Variants in SV2C observed in about 807,000 individuals in gnomAD.
The protein encoded by SV2C is synaptic vesicle glycoprotein 2C.
A neutral mutation model predicts 79.7 loss-of-function variants in SV2C; 49 were observed. The observed-to-expected ratio is 0.61, with a 90% CI of 0.49 to 0.78. The LOEUF is 0.78. Ranked by LOEUF, SV2C falls within the 30% of genes least tolerant of loss-of-function variation. The pLI is 0.00. For missense variants in SV2C, 833 were observed against 912.9 expected (o/e 0.91, Z 1.13); for synonymous variants, 334 against 333.2 (o/e 1.00, Z -0.03).
At chr5:75,869,649 C>T in the SV2C span, among the ~76,000 whole-genome samples, 1 of 152,098 alleles carries the variant, frequency 6.6e-6, no homozygotes, top group Non-Finnish European at 1.5e-5. Context: ...CTTCTCAGGG[C>T]CTTGAGTAAA....
chr5:76,270,778 T>A lies in SV2C; in HGVS notation c.914-14384T>A, dbSNP rs146763443. Among the ~76,000 whole-genome samples the A allele has an allele frequency of 3.9e-3, 594 of 151,736 alleles. 8 individuals are homozygous for A. The highest frequency in any genetic ancestry group is 0.013 in the African/African-American group (545 of 41,464). ...TATTTATTTATTTATTTTTATTATT[T>A]TTTTTTTTGAGACAGGGTCTCACTC... On this transcript the variant is annotated intron_variant, in intron 4 of 12. Coordinates refer to ENST00000502798, the MANE Select transcript of SV2C (RefSeq NM_014979.4).
chr5:76,073,501 GTGTATATATATATATATATATATATATA>G, the SV2C span, among the ~76,000 whole-genome samples: 1 of 87,252 alleles, frequency 1.1e-5, no homozygotes, highest in African/African-American at 4.1e-5. Context: ...ATGTATGTGT[GTGTATATATATATATATATATATATATA>G]TATATATATA....
At chr5:76,231,497 T>A (rs1016700683) in intron 4 of SV2C, among the ~76,000 whole-genome samples, 1 of 151,702 alleles carries the variant, frequency 6.6e-6, no homozygotes, top group African/African-American at 2.4e-5. Context: ...GCAGGTTAGT[T>A]ACATACGTAT....
chr5:75,978,110 G>A, the SV2C span, among the ~76,000 whole-genome samples: 16 of 152,210 alleles, frequency 1.1e-4, no homozygotes, highest in South Asian at 3.3e-3. Flanking sequence ...AATTGCTCTT[G>A]CCAAGGTCAC....
At chr5:76,223,474 T>C (rs1467684247) in intron 4 of SV2C, among the ~76,000 whole-genome samples, 5 of 69,424 alleles carry the variant, frequency 7.2e-5, no homozygotes, top group African/African-American at 2.7e-4. Flanking sequence ...TATATATATA[T>C]ATATATATAT....
intron 4 of SV2C, among the ~76,000 whole-genome samples, chr5:76,230,151 C>T (rs73766722): frequency 6.6e-6 from 1 of 152,050 alleles, no homozygotes; most frequent in Non-Finnish European, 1.5e-5. Flanking sequence ...TAAAGGAAGA[C>T]AAATGTGAGG....
At chr5:76,190,552 C>T (rs1040896815) in intron 2 of SV2C, among the ~76,000 whole-genome samples, 6 of 152,230 alleles carry the variant, frequency 3.9e-5, no homozygotes, top group East Asian at 3.9e-4. Flanking sequence ...GTCGGGGATT[C>T]GCTGACTTGG....
the SV2C span, among the ~76,000 whole-genome samples, chr5:76,033,429 G>A: frequency 7.9e-3 from 1,198 of 152,254 alleles, 23 homozygotes; most frequent in African/African-American, 0.028. Flanking sequence ...TTTGTATAAG[G>A]TGTAAGGAAG....
chr5:76,325,137 A>C (rs1748948027), intron 12 of SV2C, among the ~76,000 whole-genome samples: 1 of 152,220 alleles, frequency 6.6e-6, no homozygotes, highest in South Asian at 2.1e-4. Context: ...TTACAGGCAG[A>C]GTAAGAGTCA....
At chr5:75,851,305 A>G in the SV2C span, among the ~76,000 whole-genome samples, 6 of 152,234 alleles carry the variant, frequency 3.9e-5, no homozygotes, top group African/African-American at 1.2e-4. Context: ...CAGTTCTGCT[A>G]TGTGCATAGC....
the SV2C span, among the ~76,000 whole-genome samples, chr5:76,018,184 G>A: frequency 5.4e-4 from 82 of 152,224 alleles, 1 homozygote; most frequent in Non-Finnish European, 9.9e-4. Context: ...TTAATAGATC[G>A]TAATAATTTT....
intron 1 of SV2C, among the ~76,000 whole-genome samples, chr5:76,128,468 AC>A (rs1242984701): frequency 1.2e-4 from 19 of 152,314 alleles, no homozygotes; most frequent in African/African-American, 4.3e-4. Flanking sequence ...ATTTAATAAG[AC>A]CTCAGTGAGA....
intron 10 of SV2C, among the ~76,000 whole-genome samples, chr5:76,299,439 T>C (rs922140178): frequency 6.6e-6 from 1 of 152,238 alleles, no homozygotes; most frequent in African/African-American, 2.4e-5. Context: ...ACATTCATTA[T>C]CTCATTTAGT....
chr5:76,308,574 T>G (rs139226487), intron 12 of SV2C, among the ~76,000 whole-genome samples: 54 of 152,324 alleles, frequency 3.5e-4, no homozygotes, highest in Non-Finnish European at 7.6e-4. Context: ...TAGACTGCCG[T>G]TTTCCTGGTC....
Position 76,181,861 on chromosome 5 carries a change from A to G in SV2C, c.581-13058A>G, listed in dbSNP as rs186645184. Among the ~76,000 whole-genome samples, 283 of 152,308 alleles carry G rather than the reference A, an allele frequency of 1.9e-3. 1 individual carries two copies. The highest frequency in any genetic ancestry group is 3.4e-3 in the Non-Finnish European group (232 of 68,032). Reference sequence around the variant, plus strand: ...CCATAAGTGACTCCTCATTGTCTGTATAAGTAATTTAAATGCTTTTGCTTT... The same window carrying G: ...CCATAAGTGACTCCTCATTGTCTGTGTAAGTAATTTAAATGCTTTTGCTTT... On this transcript the variant is annotated intron_variant, in intron 2 of 12. Coordinates refer to ENST00000502798, the MANE Select transcript of SV2C (RefSeq NM_014979.4).
the SV2C span, among the ~76,000 whole-genome samples, chr5:76,035,984 C>G: frequency 6.6e-6 from 1 of 152,074 alleles, no homozygotes; most frequent in African/African-American, 2.4e-5. Context: ...TGAATTGATC[C>G]CTTTACCATT....
the SV2C span, among the ~76,000 whole-genome samples, chr5:76,019,152 G>A: frequency 6.6e-6 from 1 of 152,146 alleles, no homozygotes; most frequent in Non-Finnish European, 1.5e-5. Context: ...CACTGTTTCA[G>A]CTGTAGTACA....
chr5:76,115,073 A>G (rs12659929), intron 1 of SV2C, among the ~76,000 whole-genome samples: 34,379 of 151,994 alleles, frequency 0.23, 4,370 homozygotes, highest in East Asian at 0.42. Context: ...AAACAAACTC[A>G]CCGTTTATGT....
intron 4 of SV2C, among the ~76,000 whole-genome samples, chr5:76,260,787 G>A (rs1231564531): frequency 2.0e-5 from 3 of 152,128 alleles, no homozygotes; most frequent in African/African-American, 7.2e-5. Flanking sequence ...CCTCTGTCCT[G>A]TTCCATTGGT....
Sources: gnomAD v4.1 joint callset for allele counts (sites outside exome capture counted in the v4.1 genomes callset) on GRCh38, gnomAD v4.1.1 for gene constraint, MANE v1.5 for transcripts, NCBI Gene and HGNC (gene_info 2026-07-23, HGNC 2026-07-21) for gene names.